Variants in AGBL1 observed in about 807,000 individuals in gnomAD.
AGBL1 encodes the protein AGBL carboxypeptidase 1, also known as cytosolic carboxypeptidase 4.
In AGBL1, 130 loss-of-function variants were observed where a neutral mutation model predicts 118.9. The observed-to-expected ratio is 1.09, with a 90% CI of 0.95 to 1.26. The LOEUF (loss-of-function observed/expected upper bound fraction) is 1.26, where lower values mean the gene tolerates loss of function less well. Among genes scored for constraint, AGBL1 ranks in the 50% most tolerant of loss-of-function variants. The pLI, the probability that AGBL1 is intolerant of heterozygous loss-of-function variation, is 0.00. For synonymous variants in AGBL1, 555 were observed against 478.9 expected (o/e 1.16, Z -2.08); for missense variants, 1,584 against 1,298.1 (o/e 1.22, Z -3.38).
intron 18 of AGBL1, among the ~76,000 whole-genome samples, chr15:86,500,899 T>C (rs1204046711): frequency 6.6e-6 from 1 of 151,758 alleles, no homozygotes; most frequent in Non-Finnish European, 1.5e-5. Flanking sequence ...TCATCATCAG[T>C]TGATGGACAT....
At chr15:86,973,315 C>G (rs72757456) in intron 23 of AGBL1, among the ~76,000 whole-genome samples, 1 of 151,990 alleles carries the variant, frequency 6.6e-6, no homozygotes, top group Non-Finnish European at 1.5e-5. Flanking sequence ...CCTAAACTTA[C>G]TTTTGTGACT....
At chr15:86,250,525 C>CAAAAAAAAAAAA (rs60432449) in intron 7 of AGBL1, among the ~76,000 whole-genome samples, 1 of 38,972 alleles carries the variant, frequency 2.6e-5, no homozygotes, top group African/African-American at 9.6e-5. Context: ...GACTCTGTCT[C>CAAAAAAAAAAAA]AAAAAAAAAA....
At position 86,700,324 on chromosome 15, in the gene AGBL1, G is replaced by A. The variant is rs147983116; in HGVS notation, c.3158+25888G>A. 2.2e-3 allele frequency among the ~76,000 whole-genome samples: 328 copies of A among 151,968 alleles called. 1 individual carries two copies. The highest frequency in any genetic ancestry group is 7.3e-3 in the African/African-American group (303 of 41,462). On this transcript the variant is annotated intron_variant, in intron 22 of 22. Transcript: ENST00000614907. Reference sequence around the variant, plus strand: ...GAGCAAGTCTTTATTTTCTGGCACAGCAGTATGTTCTAGGTTCATCTTGTA... The same window carrying A: ...GAGCAAGTCTTTATTTTCTGGCACAACAGTATGTTCTAGGTTCATCTTGTA...
chr15:86,645,266 TATAC>T (rs1391291922), intron 21 of AGBL1, among the ~76,000 whole-genome samples: 3 of 152,180 alleles, frequency 2.0e-5, no homozygotes, highest in African/African-American at 7.2e-5. Context: ...GTAAAAGTAA[TATAC>T]ATACATATAT....
chr15:86,487,687 C>T (rs76286866), intron 18 of AGBL1, among the ~76,000 whole-genome samples: 414 of 152,052 alleles, frequency 2.7e-3, no homozygotes, highest in Admixed American at 4.1e-3. Context: ...CCCTAAATCC[C>T]ATCTATTAAG....
intron 18 of AGBL1, among the ~76,000 whole-genome samples, chr15:86,422,939 T>G (rs2142026574): frequency 6.6e-6 from 1 of 152,334 alleles, no homozygotes; most frequent in African/African-American, 2.4e-5. Context: ...ATTGAGGCAG[T>G]ACTTGATAGC....
At chr15:87,027,243 C>A (rs1024529744) in intron 24 of AGBL1, among the ~76,000 whole-genome samples, 3 of 151,942 alleles carry the variant, frequency 2.0e-5, no homozygotes, top group Admixed American at 1.3e-4. Flanking sequence ...TCATCTCACA[C>A]CAGTTAGAAT....
At chr15:86,440,767 G>A (rs2082054546) in intron 18 of AGBL1, among the ~76,000 whole-genome samples, 1 of 152,106 alleles carries the variant, frequency 6.6e-6, no homozygotes, top group South Asian at 2.1e-4. Context: ...CAATAGGAAT[G>A]GAAACCAGGG....
chr15:86,934,439 C>A (rs1373176881), intron 23 of AGBL1, among the ~76,000 whole-genome samples: 2 of 151,970 alleles, frequency 1.3e-5, no homozygotes, highest in Non-Finnish European at 2.9e-5. Flanking sequence ...TCATCTGAAC[C>A]AGAGAGAGGC....
chr15:86,674,580 C>G (rs1312967098), intron 22 of AGBL1, 144 bp downstream of exon 22: 11 of 816,744 alleles, frequency 1.3e-5, no homozygotes, highest in South Asian at 6.7e-5. Context: ...GGTACACTAT[C>G]TCGTTTCCTA....
intron 21 of AGBL1, among the ~76,000 whole-genome samples, chr15:86,609,295 G>A (rs1455725779): frequency 6.6e-6 from 1 of 152,138 alleles, no homozygotes; most frequent in East Asian, 1.9e-4. Context: ...GAAAGGAGGA[G>A]GAATTCAGAC....
Position 86,151,301 on chromosome 15 carries a change from TAA to T in AGBL1, c.263-3113_263-3112del, listed in dbSNP as rs199623183. 9.8e-3 allele frequency among the ~76,000 whole-genome samples: 1,255 copies of T among 128,654 alleles called. 10 individuals carry two copies. Among genetic ancestry groups the T allele is most frequent in the Admixed American group, 0.017 (216 of 12,692 alleles). 84.4% of individuals were successfully genotyped at this position (128,654 alleles called of 152,430 possible). ...AGTACCCTAAAACTTAAAGTGTAAT[TAA>T]AAAAAAAAAAAAAAAGCTTATCCAC... On this transcript the variant is annotated intron_variant, in intron 3 of 22. Transcript: ENST00000614907.
At chr15:86,146,564 C>T (rs1355862414) in intron 3 of AGBL1, among the ~76,000 whole-genome samples, 1 of 152,066 alleles carries the variant, frequency 6.6e-6, no homozygotes, top group Non-Finnish European at 1.5e-5. Flanking sequence ...TGTTCAGTGC[C>T]CTGGCAAACT....
At chr15:86,219,267 G>T (rs1469189189) in intron 5 of AGBL1, among the ~76,000 whole-genome samples, 3 of 152,096 alleles carry the variant, frequency 2.0e-5, no homozygotes, top group Admixed American at 6.5e-5. Flanking sequence ...ATCCAAGAAT[G>T]ACATTCAAGT....
At chr15:86,336,429 G>C (rs2080370122) in intron 17 of AGBL1, among the ~76,000 whole-genome samples, 1 of 152,346 alleles carries the variant, frequency 6.6e-6, no homozygotes, top group East Asian at 1.9e-4. Context: ...AAGCATGAGA[G>C]AATCAAACAA....
chr15:86,443,192 G>A (rs2082084926), intron 18 of AGBL1, among the ~76,000 whole-genome samples: 1 of 152,162 alleles, frequency 6.6e-6, no homozygotes, highest in African/African-American at 2.4e-5. Context: ...TCTGCCGCAG[G>A]GCACCAGGGA....
chr15:86,262,997 C>A lies in AGBL1; in HGVS notation c.1086+103C>A, dbSNP rs1030706939. 6.2e-6 allele frequency: 5 copies of A among 806,476 alleles called. No individual in the cohort carries two copies. The East Asian group carries it at 1.1e-4, about 17-fold the overall frequency. The allele number at this position is 806,476 out of a possible 1,614,324, so 50.0% of individuals were successfully genotyped here. On this transcript the variant is annotated intron_variant, in intron 10 of 22. Coordinates refer to ENST00000614907, the MANE Select transcript of AGBL1 (RefSeq NM_001386094.1). ...TGTCCAGATGGAAAGCATTGCTCATCATTAGCCATATGCTTCTGGGCTCTT... is the reference window on the plus strand; with the variant it reads ...TGTCCAGATGGAAAGCATTGCTCATAATTAGCCATATGCTTCTGGGCTCTT...
At chr15:86,145,212 G>A (rs140005193) in intron 3 of AGBL1, among the ~76,000 whole-genome samples, 33 of 152,258 alleles carry the variant, frequency 2.2e-4, no homozygotes, top group African/African-American at 7.7e-4. Context: ...GCTTCTGGGT[G>A]GACATGAATT....
At chr15:86,545,357 A>G (rs1196966439) in intron 19 of AGBL1, among the ~76,000 whole-genome samples, 1 of 152,084 alleles carries the variant, frequency 6.6e-6, no homozygotes, top group African/African-American at 2.4e-5. Flanking sequence ...TGTATATTTC[A>G]CCAATTCCCT....
Sources: gnomAD v4.1 joint callset for allele counts (sites outside exome capture counted in the v4.1 genomes callset) on GRCh38, gnomAD v4.1.1 for gene constraint, MANE v1.5 for transcripts, NCBI Gene and HGNC (gene_info 2026-07-23, HGNC 2026-07-21) for gene names.